The following TMEM154 variants were observed in gnomAD, a reference collection of about 807,000 sequenced individuals.
TMEM154 encodes the protein transmembrane protein 154.
A neutral mutation model predicts 24.5 loss-of-function variants in TMEM154; 27 were observed. That is an observed-to-expected ratio of 1.10 (90% CI 0.81 to 1.52). The LOEUF is 1.52. Among genes scored for constraint, TMEM154 ranks in the 40% most tolerant of loss-of-function variants. TMEM154 has a pLI of 0.00. For synonymous variants in TMEM154, 67 were observed against 76.8 expected (o/e 0.87, Z 0.67); for missense variants, 228 against 213.4 (o/e 1.07, Z -0.43).
At chr4:152,645,045 T>C (rs887903976) in intron 3 of TMEM154, among the ~76,000 whole-genome samples, 1 of 152,202 alleles carries the variant, frequency 6.6e-6, no homozygotes, top group Non-Finnish European at 1.5e-5. Context: ...ATCTTTCCTG[T>C]TGCTCCCCAG....
At chr4:152,665,416 A>C (rs1728700260) in intron 1 of TMEM154, among the ~76,000 whole-genome samples, 1 of 152,166 alleles carries the variant, frequency 6.6e-6, no homozygotes, top group African/African-American at 2.4e-5. Context: ...GAGGTCAAGG[A>C]GTTGGATGCC....
At chr4:152,678,521 G>A (rs914755607) in intron 1 of TMEM154, among the ~76,000 whole-genome samples, 5 of 151,194 alleles carry the variant, frequency 3.3e-5, no homozygotes, top group Admixed American at 2.6e-4. Context: ...GATTGGTTCC[G>A]GGGCGGCGGT....
chr4:152,678,405 C>A (rs1728989418), intron 1 of TMEM154, among the ~76,000 whole-genome samples: 1 of 151,916 alleles, frequency 6.6e-6, no homozygotes. Flanking sequence ...GTGTTTGAGG[C>A]ACCTGTGGCA....
intron 6 of TMEM154, among the ~76,000 whole-genome samples, chr4:152,637,953 A>G (rs1752182289): frequency 6.6e-6 from 1 of 152,240 alleles, no homozygotes; most frequent in Non-Finnish European, 1.5e-5. Flanking sequence ...ATAAGGTGTT[A>G]CTATCCTTTT....
intron 1 of TMEM154, among the ~76,000 whole-genome samples, chr4:152,657,460 G>A (rs1243224260): frequency 2.0e-5 from 3 of 152,110 alleles, no homozygotes; most frequent in Non-Finnish European, 4.4e-5. Context: ...GTTGCAGTGA[G>A]CTGAGATTGT....
At position 152,628,229 on chromosome 4, in the gene TMEM154, A is replaced by C. The variant is rs761613489; in HGVS notation, c.*317T>G. The C allele has an allele frequency of 6.9e-6, 3 of 436,208 alleles. No individual in the cohort carries two copies. Among genetic ancestry groups the C allele is most frequent in the African/African-American group, 6.2e-5 (3 of 48,374 alleles). The allele number at this position is 436,208 out of a possible 1,614,324, so 27.0% of individuals were successfully genotyped here. ...CATTTATCATGACCAGAGTGAGTTC[A>C]GTGAGCTAGAAGTTGGCTGAGAGGA... On this transcript the variant is annotated 3_prime_UTR_variant, in exon 7 of 7. Coordinates refer to ENST00000304385, the MANE Select transcript of TMEM154 (RefSeq NM_152680.3).
intron 3 of TMEM154, chr4:152,647,219 C>T: frequency 1.0e-6 from 1 of 984,556 alleles, no homozygotes; most frequent in Non-Finnish European, 1.2e-6. Context: ...CTGCTTCTAA[C>T]TTCCCAGGGG....
chr4:152,629,457 T>G (rs1447079511), intron 6 of TMEM154, among the ~76,000 whole-genome samples: 2 of 152,230 alleles, frequency 1.3e-5, no homozygotes, highest in Admixed American at 1.3e-4. Flanking sequence ...TAATTTGGTC[T>G]TTTGCTTCTA....
intron 6 of TMEM154, among the ~76,000 whole-genome samples, chr4:152,630,681 T>G (rs185030728): frequency 3.3e-5 from 5 of 152,338 alleles, no homozygotes; most frequent in Admixed American, 6.5e-5. Context: ...ATAGAAGTGA[T>G]TTTTAAAGTT....
At position 152,627,094 on chromosome 4, in the gene TMEM154, T is replaced by C. The variant is rs143947185; in HGVS notation, c.*1452A>G. ...CACAACCAGCTAGTTATAGCTTTCATTGTATGGAAAGACCTCTCTGGTCTG... is the reference window on the plus strand; with the variant it reads ...CACAACCAGCTAGTTATAGCTTTCACTGTATGGAAAGACCTCTCTGGTCTG... On this transcript the variant is annotated 3_prime_UTR_variant, in exon 7 of 7. Coordinates refer to ENST00000304385, the MANE Select transcript of TMEM154 (RefSeq NM_152680.3). 4 of 152,330 alleles carry C rather than the reference T, an allele frequency of 2.6e-5. No individual in the cohort carries two copies. Among genetic ancestry groups the C allele is most frequent in the Non-Finnish European group, 5.9e-5 (4 of 68,026 alleles). The allele number at this position is 152,330 out of a possible 1,614,324, so 9.4% of individuals were successfully genotyped here. A position where few individuals can be genotyped will look rare whatever the true frequency, so the allele number is the denominator to read the frequency against.
chr4:152,676,197 A>G (rs1488948796), intron 1 of TMEM154, among the ~76,000 whole-genome samples: 1 of 151,698 alleles, frequency 6.6e-6, no homozygotes, highest in Non-Finnish European at 1.5e-5. Context: ...TTTTAACCCA[A>G]CTCTCATCAT....
intron 1 of TMEM154, among the ~76,000 whole-genome samples, chr4:152,663,660 C>T (rs1485758020): frequency 6.6e-6 from 1 of 152,244 alleles, no homozygotes; most frequent in Non-Finnish European, 1.5e-5. Context: ...CTCCGTTTCA[C>T]CAGTTCTCTT....
At chr4:152,671,799 A>G (rs1373234368) in intron 1 of TMEM154, among the ~76,000 whole-genome samples, 3 of 151,144 alleles carry the variant, frequency 2.0e-5, no homozygotes, top group Non-Finnish European at 4.4e-5. Context: ...GAGAGCCCAC[A>G]GGAGTCTGAA....
chr4:152,670,562 T>C (rs1294844010), intron 1 of TMEM154, among the ~76,000 whole-genome samples: 1 of 151,302 alleles, frequency 6.6e-6, no homozygotes, highest in Non-Finnish European at 1.5e-5. Context: ...ACCACTACAC[T>C]CCAGCCTGGG....
chr4:152,655,703 T>C (rs1293411452), intron 1 of TMEM154, among the ~76,000 whole-genome samples: 1 of 148,916 alleles, frequency 6.7e-6, no homozygotes, highest in Non-Finnish European at 1.5e-5. Context: ...TCCTCAGCTA[T>C]TGCTGCTATA....
intron 6 of TMEM154, among the ~76,000 whole-genome samples, chr4:152,637,006 G>A (rs1321958648): frequency 6.6e-6 from 1 of 152,194 alleles, no homozygotes; most frequent in African/African-American, 2.4e-5. Context: ...AACTTTGGGT[G>A]ATAATGGTGT....
intron 3 of TMEM154, among the ~76,000 whole-genome samples, chr4:152,651,430 GCTCCTACA>G (rs1728381150): frequency 6.6e-6 from 1 of 152,180 alleles, no homozygotes; most frequent in Admixed American, 6.5e-5. Context: ...ACTTGCTGCA[GCTCCTACA>G]TCAGTCCTTG....
intron 1 of TMEM154, chr4:152,669,730 C>T (rs1000293602): frequency 6.6e-6 from 1 of 152,158 alleles, no homozygotes; most frequent in Non-Finnish European, 1.5e-5. Flanking sequence ...CCATTGGAAT[C>T]CCGTTTCTGA....
At chr4:152,652,980 T>C (rs1318647555) in intron 1 of TMEM154, 53 bp from the exon 2 acceptor site, 12 of 1,489,916 alleles carry the variant, frequency 8.1e-6, no homozygotes, top group Non-Finnish European at 9.9e-6. Context: ...GTTAGTATGT[T>C]ATATTGTCAA....
Sources: gnomAD v4.1 joint callset for allele counts (sites outside exome capture counted in the v4.1 genomes callset) on GRCh38, gnomAD v4.1.1 for gene constraint, MANE v1.5 for transcripts, NCBI Gene and HGNC (gene_info 2026-07-23, HGNC 2026-07-21) for gene names.